The following ZNF292 variants were observed in gnomAD, a reference collection of about 807,000 sequenced individuals.
ZNF292 encodes 16 zinc-finger domain protein.
A neutral mutation model predicts 217.9 loss-of-function variants in ZNF292; 26 were observed. That is an observed-to-expected ratio of 0.12 (90% CI 0.09 to 0.17). ZNF292 has a LOEUF of 0.17. Ranked by LOEUF, ZNF292 falls within the 10% of genes least tolerant of loss-of-function variation. The pLI, the probability that ZNF292 is intolerant of heterozygous loss-of-function variation, is 1.00. For synonymous variants in ZNF292, 1,257 were observed against 1,124.1 expected, an observed-to-expected ratio of 1.12 and a Z score of -2.37; for missense variants, 2,904 against 3,175.2, an observed-to-expected ratio of 0.91 and a Z score of 2.05.
Position 87,257,475 on chromosome 6 carries a change from G to A in ZNF292, c.3846G>A (p.Gly1282=). Residue 1282 remains glycine (G), a synonymous_variant, in exon 8 of 8, where the codon GGG becomes GGA. Coordinates refer to ENST00000369577, the MANE Select transcript of ZNF292 (RefSeq NM_015021.3). Reference sequence around the variant, plus strand: ...TCTTCCCTTCACCAGCAGATAGTGGGACTAATTCTGTTTTTTCCCAACTGG... The same window carrying A: ...TCTTCCCTTCACCAGCAGATAGTGGAACTAATTCTGTTTTTTCCCAACTGG... ...MSLFPSPADS[G]TNSVFSQLEN... The A allele has an allele frequency of 6.2e-7, 1 of 1,612,762 alleles. No homozygotes were observed. Among genetic ancestry groups the A allele is most frequent in the Non-Finnish European group, 8.5e-7 (1 of 1,179,408 alleles).
rs370825342 is a variant in ZNF292, at chr6:87,257,495, A to G, written c.3866A>G (p.Gln1289Arg). 1.9e-6 allele frequency: 3 copies of G among 1,611,654 alleles called. No individual in the cohort carries two copies. The highest frequency in any genetic ancestry group is 2.5e-6 in the Non-Finnish European group (3 of 1,178,898). Residue 1289 changes from glutamine (Q) to arginine (R), a missense_variant, in exon 8 of 8, where the codon CAA becomes CGA. By Grantham distance (43) the Gln-to-Arg change is conservative (BLOSUM62 1). Coordinates refer to ENST00000369577, the MANE Select transcript of ZNF292 (RefSeq NM_015021.3). ...ADSGTNSVFS[Q>R]LENNTNHYSS... ...AGTGGGACTAATTCTGTTTTTTCCC[A>G]ACTGGAAAATAATACAAATCATTAT...
intron 4 of ZNF292, among the ~76,000 whole-genome samples, chr6:87,227,956 A>G (rs192254533): frequency 3.9e-4 from 60 of 152,292 alleles, no homozygotes; most frequent in Non-Finnish European, 2.9e-5. Context: ...TCTGGGTATA[A>G]CCAGAAGTGG....
intron 1 of ZNF292, among the ~76,000 whole-genome samples, chr6:87,196,796 A>C (rs1771964071): frequency 6.6e-6 from 1 of 152,240 alleles, no homozygotes; most frequent in African/African-American, 2.4e-5. Context: ...CTGCGTATTT[A>C]GTCCTTCCTA....
At chr6:87,162,555 G>A (rs1770782854) in intron 1 of ZNF292, among the ~76,000 whole-genome samples, 1 of 152,166 alleles carries the variant, frequency 6.6e-6, no homozygotes, top group Admixed American at 6.5e-5. Flanking sequence ...TTTAGATAGT[G>A]CTCATGGGAA....
Position 87,254,724 on chromosome 6 carries a change from T to A in ZNF292, c.1095T>A (p.Thr365=). 6.2e-7 allele frequency: 1 copy of A among 1,613,972 alleles called. No individual in the cohort carries two copies. The highest frequency in any genetic ancestry group is 8.5e-7 in the Non-Finnish European group (1 of 1,179,846). The change falls in exon 8 of 8, where the codon ACT becomes ACA. Residue 365 remains threonine, a synonymous_variant. Transcript: ENST00000369577. ...TTCGCTTGGAGTCTACAGAAAATAC[T>A]GAAGTGAAAATATCTATTTGCAAGA... The part of the protein sequence containing the change: ...KALRLESTEN[T]EVKISICKTI...
Position 87,215,818 on chromosome 6 carries a change from A to G in ZNF292, c.169-85A>G, listed in dbSNP as rs918824441. The G allele has an allele frequency of 3.9e-5, 44 of 1,123,094 alleles. No individual in the cohort carries two copies. In the African/African-American group the frequency reaches 6.3e-4, roughly 16 times the overall value. The allele number at this position is 1,123,094 out of a possible 1,614,324, so 69.6% of individuals were successfully genotyped here. On this transcript the variant is annotated intron_variant, in intron 1 of 7. Coordinates refer to ENST00000369577, the MANE Select transcript of ZNF292 (RefSeq NM_015021.3). ...TATAAATAAAAATCTGTATTTTTCA[A>G]AATTTTTCAGGAAAAAACAGCTGAT... is the stretch of plus-strand genomic sequence containing the variant.
intron 1 of ZNF292, among the ~76,000 whole-genome samples, chr6:87,188,229 C>A (rs184795929): frequency 2.6e-5 from 4 of 152,252 alleles, no homozygotes; most frequent in Admixed American, 2.6e-4. Flanking sequence ...GTGCTTTCAT[C>A]ATTATTCACA....
At chr6:87,249,353 C>T in intron 7 of ZNF292, 1 of 432,350 alleles carries the variant, frequency 2.3e-6, no homozygotes, top group Admixed American at 2.5e-5. Context: ...TCTCCAACTC[C>T]TGGGCTCAAG....
intron 4 of ZNF292, among the ~76,000 whole-genome samples, chr6:87,227,472 A>G (rs1319194973): frequency 6.6e-6 from 1 of 152,150 alleles, no homozygotes; most frequent in East Asian, 1.9e-4. Context: ...GATAAAATGT[A>G]CCGTCTTAAC....
chr6:87,207,634 T>C (rs977796225), intron 1 of ZNF292, among the ~76,000 whole-genome samples: 3 of 152,238 alleles, frequency 2.0e-5, no homozygotes, highest in Non-Finnish European at 4.4e-5. Context: ...TTGTGAAGAA[T>C]GTGCATTTTC....
At chr6:87,235,411 G>T (rs898199374) in intron 5 of ZNF292, among the ~76,000 whole-genome samples, 44 of 152,092 alleles carry the variant, frequency 2.9e-4, no homozygotes, top group African/African-American at 1.1e-3. Context: ...TAAGCATTGG[G>T]GGGGATTGGG....
rs117109795 is a variant in ZNF292 at position 87,167,685 on chromosome 6, C to T, written c.168+11926C>T. On this transcript the variant is annotated intron_variant, in intron 1 of 7. Transcript: ENST00000369577. ...AAAAAACTTCTGTTTTAATGACAAC[C>T]TTGCTGTTTGTACATTTAGTTTTCC... 9.3e-3 allele frequency among the ~76,000 whole-genome samples: 1,417 copies of T among 152,254 alleles called. 10 individuals carry two copies. Among genetic ancestry groups the T allele is most frequent in the Non-Finnish European group, 0.015 (1,034 of 68,016 alleles).
chr6:87,191,753 G>A (rs1289613767), intron 1 of ZNF292, among the ~76,000 whole-genome samples: 4 of 152,170 alleles, frequency 2.6e-5, no homozygotes, highest in African/African-American at 7.2e-5. Flanking sequence ...TGCAACATCC[G>A]CTTCCCGGGT....
rs777085589 is a variant in ZNF292 at position 87,260,566 on chromosome 6, T to G, written c.6937T>G (p.Ser2313Ala). The change falls in exon 8 of 8, where the codon TCT (serine) becomes GCT (alanine). Residue 2313 changes from serine to alanine, a missense_variant. Transcript: ENST00000369577. ...CAAGGCAAACCAAGAAAAATCAAAG[T>G]CTAAACATCGGGGGACCAAGCACAG... is the stretch of plus-strand genomic sequence containing the variant. ...SSKANQEKSK[S>A]KHRGTKHSRC... The G allele has an allele frequency of 1.2e-6, 2 of 1,612,558 alleles. No individual in the cohort carries two copies. The highest frequency in any genetic ancestry group is 2.2e-5 in the East Asian group (1 of 44,846).
intron 1 of ZNF292, among the ~76,000 whole-genome samples, chr6:87,176,884 G>A (rs906617914): frequency 6.6e-6 from 1 of 152,120 alleles, no homozygotes; most frequent in Non-Finnish European, 1.5e-5. Context: ...TCTTCCTCGT[G>A]GATGTTTAGT....
chr6:87,173,883 A>C (rs922314468), intron 1 of ZNF292: 3 of 168,378 alleles, frequency 1.8e-5, no homozygotes, highest in African/African-American at 7.2e-5. Flanking sequence ...TTAGGGATGG[A>C]CGTATTAAAA....
chr6:87,255,894 G>A lies in ZNF292; in HGVS notation c.2265G>A (p.Met755Ile). ...CGSKPYICIQ[M>I]KCKAGFNSYA... ...GTAAACCATATATCTGTATACAGAT[G>A]AAATGTAAAGCTGGTTTTAATAGTT... The change falls in exon 8 of 8, where the codon ATG (methionine) becomes ATA (isoleucine). Residue 755 changes from methionine (M) to isoleucine (I), a missense_variant. Physicochemically the swap from Met to Ile is conservative, Grantham distance 10. Coordinates refer to ENST00000369577, the MANE Select transcript of ZNF292 (RefSeq NM_015021.3). 6.2e-7 allele frequency: 1 copy of A among 1,613,756 alleles called. No homozygotes were observed. The highest frequency in any genetic ancestry group is 8.5e-7 in the Non-Finnish European group (1 of 1,179,828).
intron 1 of ZNF292, among the ~76,000 whole-genome samples, chr6:87,173,213 A>AG (rs1268191954): frequency 1.8e-4 from 27 of 151,688 alleles, no homozygotes; most frequent in Admixed American, 1.8e-3. Context: ...TGGCACAAAA[A>AG]AAAATCCAAC....
Position 87,264,217 on chromosome 6 carries a change from T to A in ZNF292, c.*2416T>A, listed in dbSNP as rs2127883164. ...TGGTATACTTTTCCCCAGCCTATTG[T>A]CTTGAGATATCTTCTACAGCCTAAA... On this transcript the variant is annotated 3_prime_UTR_variant, in exon 8 of 8. Coordinates refer to ENST00000369577, the MANE Select transcript of ZNF292 (RefSeq NM_015021.3). 1 of 152,304 alleles carries A rather than the reference T, an allele frequency of 6.6e-6. No individual in the cohort carries two copies. Among genetic ancestry groups the A allele is most frequent in the Admixed American group, 6.5e-5 (1 of 15,290 alleles). 9.4% of individuals were successfully genotyped at this position (152,304 alleles called of 1,614,324 possible).
Sources: gnomAD v4.1 joint callset for allele counts (sites outside exome capture counted in the v4.1 genomes callset) on GRCh38, gnomAD v4.1.1 for gene constraint, MANE v1.5 for transcripts, NCBI Gene and HGNC (gene_info 2026-07-23, HGNC 2026-07-21) for gene names.